ASIC2: variants seen among roughly 807,000 people sequenced by gnomAD.
ASIC2 encodes acid-sensing ion channel 2.
In ASIC2, 25 loss-of-function variants were observed where a neutral mutation model predicts 57.3. That is an observed-to-expected ratio of 0.44 (90% CI 0.32 to 0.61). The LOEUF (loss-of-function observed/expected upper bound fraction) is 0.61, where lower values mean the gene tolerates loss of function less well. Among genes scored for constraint, ASIC2 ranks in the 20% least tolerant of loss-of-function variants. The pLI is 0.06. For missense variants in ASIC2, 641 were observed against 738.1 expected, an observed-to-expected ratio of 0.87 and a Z score of 1.52; for synonymous variants, 319 against 307.5, an observed-to-expected ratio of 1.04 and a Z score of -0.39.
intron 1 of ASIC2, among the ~76,000 whole-genome samples, chr17:33,369,478 T>G (rs995317394): frequency 2.0e-5 from 3 of 152,216 alleles, no homozygotes; most frequent in African/African-American, 7.2e-5. Context: ...ATGGGAATAA[T>G]TCCAGCCTGC....
intron 1 of ASIC2, among the ~76,000 whole-genome samples, chr17:33,783,523 T>C (rs554553949): frequency 1.3e-5 from 2 of 152,336 alleles, no homozygotes; most frequent in African/African-American, 4.8e-5. Context: ...TAAATGAGCA[T>C]TGGCAGTGGC....
At chr17:34,115,022 C>A (rs1347095825) in intron 1 of ASIC2, among the ~76,000 whole-genome samples, 2 of 152,190 alleles carry the variant, frequency 1.3e-5, no homozygotes, top group Admixed American at 1.3e-4. Flanking sequence ...AACAACTTTC[C>A]CTCCGTTGCT....
chr17:33,329,238 A>G (rs1338747475), intron 1 of ASIC2, among the ~76,000 whole-genome samples: 1 of 152,166 alleles, frequency 6.6e-6, no homozygotes, highest in Non-Finnish European at 1.5e-5. Context: ...TCAACTGTGA[A>G]ATGGGGGTAT....
chr17:33,045,705 G>A (rs2091951666), intron 3 of ASIC2, among the ~76,000 whole-genome samples: 1 of 152,296 alleles, frequency 6.6e-6, no homozygotes, highest in South Asian at 2.1e-4. Flanking sequence ...CTGAGAGGGA[G>A]AGTCCTGACT....
chr17:33,874,449 G>A (rs889365912), intron 1 of ASIC2, among the ~76,000 whole-genome samples: 6 of 152,152 alleles, frequency 3.9e-5, no homozygotes, highest in African/African-American at 1.4e-4. Context: ...AAATTTAACT[G>A]GGTGTTCTGT....
At chr17:33,830,419 A>G (rs1913066588) in intron 1 of ASIC2, among the ~76,000 whole-genome samples, 1 of 151,964 alleles carries the variant, frequency 6.6e-6, no homozygotes. Flanking sequence ...GGATGGGGAG[A>G]TCAGTCCCAG....
intron 1 of ASIC2, among the ~76,000 whole-genome samples, chr17:33,410,520 AG>A (rs1380923321): frequency 6.6e-6 from 1 of 152,178 alleles, no homozygotes; most frequent in East Asian, 1.9e-4. Flanking sequence ...GAGGGACTCA[AG>A]CCCCCTCGGT....
chr17:34,095,637 A>ATATATATATATAATTT (rs1361916461), intron 1 of ASIC2, among the ~76,000 whole-genome samples: 3 of 126,684 alleles, frequency 2.4e-5, no homozygotes, highest in African/African-American at 1.1e-4. Context: ...ATAATTTTAT[A>ATATATATATATAATTT]TATATATATA....
intron 3 of ASIC2, among the ~76,000 whole-genome samples, chr17:33,044,010 G>T (rs2091940141): frequency 6.6e-6 from 1 of 152,226 alleles, no homozygotes; most frequent in South Asian, 2.1e-4. Context: ...CTATGAGTGG[G>T]AGAGAATGTG....
At chr17:34,062,327 G>A (rs1908998102) in intron 1 of ASIC2, among the ~76,000 whole-genome samples, 2 of 152,054 alleles carry the variant, frequency 1.3e-5, no homozygotes, top group Non-Finnish European at 2.9e-5. Context: ...CAAACTGAAT[G>A]ACAATAAATG....
At chr17:33,752,103 T>C (rs1251954413) in intron 1 of ASIC2, among the ~76,000 whole-genome samples, 1 of 152,134 alleles carries the variant, frequency 6.6e-6, no homozygotes, top group African/African-American at 2.4e-5. Context: ...CTCTAGAAGG[T>C]TGCAGTCTGG....
At chr17:34,037,116 C>T (rs1459359958) in intron 1 of ASIC2, 1 of 152,916 alleles carries the variant, frequency 6.5e-6, no homozygotes, top group Non-Finnish European at 1.5e-5. Flanking sequence ...CGGGCAATAG[C>T]AACTTTTTTC....
Position 33,017,626 on chromosome 17 carries a change from C to T in ASIC2, c.1500G>A (p.Glu500=). Residue 500 remains glutamate, a synonymous_variant, in exon 8 of 10, where the codon GAG becomes GAA. Transcript: ENST00000225823. ...TTACCTCATAAATATAATCAAAGAGCTCTAGTATTGTAAGGATACTAGCAC... is the reference window on the plus strand; with the variant it reads ...TTACCTCATAAATATAATCAAAGAGTTCTAGTATTGTAAGGATACTAGCAC... The part of the protein sequence containing the change: ...FIGASILTIL[E]LFDYIYELIK... The T allele has an allele frequency of 6.2e-7, 1 of 1,613,478 alleles. No homozygotes were observed.
chr17:33,838,138 A>T (rs1285112872), intron 1 of ASIC2, among the ~76,000 whole-genome samples: 1 of 152,142 alleles, frequency 6.6e-6, no homozygotes, highest in African/African-American at 2.4e-5. Flanking sequence ...TCTTCTCCCA[A>T]CCAGAGTAGA....
rs1206400047 is a variant in ASIC2, at chr17:33,223,857, G to A, written c.708+67551C>T. Among the ~76,000 whole-genome samples the A allele has an allele frequency of 2.6e-5, 4 of 152,144 alleles. No individual in the cohort carries two copies. In the East Asian group the frequency reaches 5.8e-4, roughly 22 times the overall value. ...GCTTTGCTAGGACCTACATGGGGCCGGGATCACAGAGAGTAGAGACCTAGA... is the reference window on the plus strand; with the variant it reads ...GCTTTGCTAGGACCTACATGGGGCCAGGATCACAGAGAGTAGAGACCTAGA... On this transcript the variant is annotated intron_variant, in intron 1 of 9. Transcript: ENST00000225823.
chr17:33,921,607 G>T (rs924816419), intron 1 of ASIC2, among the ~76,000 whole-genome samples: 1 of 152,118 alleles, frequency 6.6e-6, no homozygotes, highest in Admixed American at 6.5e-5. Flanking sequence ...TGGGGTGCAC[G>T]TGGAGAATTC....
At chr17:33,959,056 T>G (rs1363760419) in intron 1 of ASIC2, among the ~76,000 whole-genome samples, 1 of 152,168 alleles carries the variant, frequency 6.6e-6, no homozygotes, top group Non-Finnish European at 1.5e-5. Flanking sequence ...CTCATCTCCA[T>G]CTGAGACCAC....
In ASIC2 at chr17:33,346,134, CT is replaced by C. The variant is rs1907933043; in HGVS notation, c.556-234068del. Among the ~76,000 whole-genome samples, 4 of 146,162 alleles carry C rather than the reference CT, an allele frequency of 2.7e-5. No homozygotes were observed. In the South Asian group the frequency reaches 8.7e-4, roughly 32 times the overall value. On this transcript the variant is annotated intron_variant, in intron 1 of 9. Coordinates refer to the ASIC2 transcript ENST00000359872. ...CTCAGCTACTTGAGAGGCTGAGGCA[CT>C]AGAATTGCTTGAACCTGGGAGGCGG...
intron 1 of ASIC2, among the ~76,000 whole-genome samples, chr17:33,128,981 T>C (rs544770128): frequency 3.3e-5 from 5 of 152,360 alleles, no homozygotes; most frequent in African/African-American, 1.2e-4. Flanking sequence ...TTTATCCAAG[T>C]ACTCTAGACA....
Sources: allele counts gnomAD v4.1 joint callset (sites outside exome capture counted in the v4.1 genomes callset), GRCh38; gene constraint gnomAD v4.1.1; transcripts MANE v1.5; gene names NCBI Gene and HGNC (gene_info 2026-07-23, HGNC 2026-07-21).